Variants in CLTC observed in about 807,000 individuals in gnomAD.
The protein encoded by CLTC is clathrin heavy chain.
A neutral mutation model predicts 195.8 loss-of-function variants in CLTC; 16 were observed. That is an observed-to-expected ratio of 0.08 (90% CI 0.06 to 0.12). The LOEUF is 0.12. Among genes scored for constraint, CLTC ranks in the 10% least tolerant of loss-of-function variants. The probability of loss-of-function intolerance (pLI) is 1.00; values close to 1 mark genes in which losing one functional copy is unlikely to be tolerated. For synonymous variants in CLTC, 667 were observed against 689.4 expected (o/e 0.97, Z 0.51); for missense variants, 796 against 2,027.0 (o/e 0.39, Z 11.66).
At chr17:59,678,697 G>A (rs931905996) in intron 17 of CLTC, among the ~76,000 whole-genome samples, 4 of 152,058 alleles carry the variant, frequency 2.6e-5, no homozygotes, top group Non-Finnish European at 4.4e-5. Context: ...ACCTTTTACT[G>A]GGGCATTAGA....
In CLTC at chr17:59,648,572, T is replaced by C; in HGVS notation, c.681+171T>C. On this transcript the variant is annotated intron_variant, in intron 4 of 31. Transcript: ENST00000269122. This position sits in a 1 kb window ranked among gnomAD's most constrained non-coding sequence, Gnocchi z 4.5. ...TGCATCTAGTGATACTTGTCTAAAA[T>C]GAATAATGTTCTTTCACAACTCGTT... The C allele has an allele frequency of 1.7e-6, 1 of 596,464 alleles. No homozygotes were observed. Among genetic ancestry groups the C allele is most frequent in the Non-Finnish European group, 2.9e-6 (1 of 342,266 alleles). 36.9% of individuals were successfully genotyped at this position (596,464 alleles called of 1,614,324 possible).
In CLTC at chr17:59,644,276, C is replaced by T; in HGVS notation, c.43C>T (p.Leu15Phe). The T allele has an allele frequency of 6.2e-7, 1 of 1,612,730 alleles. No individual in the cohort carries two copies. Among genetic ancestry groups the T allele is most frequent in the Non-Finnish European group, 8.5e-7 (1 of 1,179,466 alleles). ...CATGGTTTCTTATTATTTTTTCTAG[C>T]TCCAGAACCTGGGTATCAACCCAGC... ...LPIRFQEHLQ[L>F]QNLGINPANI... Residue 15 changes from leucine to phenylalanine, a missense_variant and splice_region_variant, in exon 2 of 32, where the codon CTC becomes TTC. Coordinates refer to ENST00000269122, the MANE Select transcript of CLTC (RefSeq NM_004859.4).
At chr17:59,684,328 A>T (rs2033134841) in intron 28 of CLTC, 2 of 207,010 alleles carry the variant, frequency 9.7e-6, no homozygotes, top group Admixed American at 1.1e-4. Flanking sequence ...TTTCTTGCCT[A>T]CTGTTTTATT....
At position 59,683,771 on chromosome 17, in the gene CLTC, T is replaced by A. The variant is rs755624171; in HGVS notation, c.4323+15T>A. 1.2e-6 allele frequency: 2 copies of A among 1,614,100 alleles called. No individual in the cohort carries two copies. Among genetic ancestry groups the A allele is most frequent in the Middle Eastern group, 1.7e-4 (1 of 6,058 alleles). The stretch of plus-strand genomic sequence containing the variant: ...ATTTCAGCAAGGTAAAGTAATAATT[T>A]TAAACCAAAGCTTCATAGCAAGGAA... On this transcript the variant is annotated intron_variant, in intron 27 of 31. Coordinates refer to ENST00000269122, the MANE Select transcript of CLTC (RefSeq NM_004859.4). The surrounding 1 kb of genome is among the most constrained non-coding windows in gnomAD (Gnocchi z 6.1).
chr17:59,687,735 A>G (rs2033214755), intron 30 of CLTC, among the ~76,000 whole-genome samples: 1 of 152,168 alleles, frequency 6.6e-6, no homozygotes, highest in African/African-American at 2.4e-5. Flanking sequence ...CAAAGTATTA[A>G]CTTCTACTTT....
Position 59,648,685 on chromosome 17 carries a change from A to G in CLTC, c.681+284A>G. Reference sequence around the variant, plus strand: ...GTTTGATTTAGTAGGTGTTGCCTATAATTTTTTTTGTTTATTTGTTGCTTT... The same window carrying G: ...GTTTGATTTAGTAGGTGTTGCCTATGATTTTTTTTGTTTATTTGTTGCTTT... On this transcript the variant is annotated intron_variant, in intron 4 of 31. Transcript: ENST00000269122. This position sits in a 1 kb window ranked among gnomAD's most constrained non-coding sequence, Gnocchi z 4.5. The G allele has an allele frequency of 3.9e-6, 1 of 257,876 alleles. No individual in the cohort carries two copies. The highest frequency in any genetic ancestry group is 7.4e-6 in the Non-Finnish European group (1 of 134,580). The allele number at this position is 257,876 out of a possible 1,614,324, so 16.0% of individuals were successfully genotyped here. A position where few individuals can be genotyped will look rare whatever the true frequency, so the allele number is the denominator to read the frequency against.
chr17:59,676,264 G>A (rs551014609), intron 16 of CLTC, among the ~76,000 whole-genome samples: 1 of 152,280 alleles, frequency 6.6e-6, no homozygotes, highest in Non-Finnish European at 1.5e-5. Context: ...GCAAAACTGT[G>A]CTCCTTGATG....
chr17:59,629,518 A>T (rs957411201), intron 1 of CLTC, among the ~76,000 whole-genome samples: 3 of 126,056 alleles, frequency 2.4e-5, no homozygotes, highest in South Asian at 2.6e-4. Flanking sequence ...AGAGATCATA[A>T]TTTTTTTTTT....
At position 59,679,486 on chromosome 17, in the gene CLTC, A is replaced by C; in HGVS notation, c.2886A>C (p.Glu962Asp). The C allele has an allele frequency of 6.2e-7, 1 of 1,610,610 alleles. No homozygotes were observed. Among genetic ancestry groups the C allele is most frequent in the Non-Finnish European group, 8.5e-7 (1 of 1,178,200 alleles). ...DPELWGSVLL[E>D]SNPYRRPLID... ...AATTGTGGGGCAGCGTGCTGCTGGA[A>C]AGCAATCCTTACAGGAGACCCCTAA... is the stretch of plus-strand genomic sequence containing the variant. The change falls in exon 18 of 32, where the codon GAA becomes GAC. Residue 962 changes from glutamate to aspartate, a missense_variant. By Grantham distance (45) the Glu-to-Asp change is conservative. This residue lies in a region of CLTC where 160 missense variants were observed against 448.2 expected (regional missense o/e 0.36). Coordinates refer to ENST00000269122, the MANE Select transcript of CLTC (RefSeq NM_004859.4).
chr17:59,631,222 C>T (rs2031705196), intron 1 of CLTC, among the ~76,000 whole-genome samples: 1 of 152,170 alleles, frequency 6.6e-6, no homozygotes, highest in African/African-American at 2.4e-5. Flanking sequence ...TCTTCTGAGA[C>T]ACTGCATATA....
At chr17:59,641,884 CATT>C (rs1416384182) in intron 1 of CLTC, among the ~76,000 whole-genome samples, 2 of 151,766 alleles carry the variant, frequency 1.3e-5, no homozygotes, top group East Asian at 1.9e-4. Flanking sequence ...GATGGGGTCT[CATT>C]ATGTTGCCCA....
Position 59,620,102 on chromosome 17 carries a change from CAGG to C in CLTC, c.-24_-22del, listed in dbSNP as rs755591058. 17 of 1,613,534 alleles carry C rather than the reference CAGG, an allele frequency of 1.1e-5. No individual in the cohort carries two copies. In the South Asian group the frequency reaches 1.3e-4, roughly 13 times the overall value. On this transcript the variant is annotated 5_prime_UTR_variant, in exon 1 of 32. Transcript: ENST00000269122. ...AGCCACTGCCCCGCAGCCCCAGTGA[CAGG>C]AGGAGACCATAACCCCCGACAGCGC...
At chr17:59,640,272 AAG>A (rs1219305364) in intron 1 of CLTC, among the ~76,000 whole-genome samples, 1 of 152,150 alleles carries the variant, frequency 6.6e-6, no homozygotes, top group African/African-American at 2.4e-5. Flanking sequence ...AAAATATGGG[AAG>A]AATTGCTGAG....
chr17:59,623,053 G>T (rs957139834), intron 1 of CLTC, among the ~76,000 whole-genome samples: 2 of 152,164 alleles, frequency 1.3e-5, no homozygotes, highest in African/African-American at 4.8e-5. Flanking sequence ...AATATTGCCT[G>T]TGATTCTTAA....
intron 8 of CLTC, 95 bp from the exon 9 acceptor site, chr17:59,663,747 T>C (rs2032662828): frequency 2.0e-6 from 2 of 1,011,324 alleles, no homozygotes; most frequent in Non-Finnish European, 2.9e-6. Context: ...TAAGTACCTT[T>C]CATACTAGTT....
chr17:59,636,631 G>C (rs1228354984), intron 1 of CLTC, among the ~76,000 whole-genome samples: 1 of 152,040 alleles, frequency 6.6e-6, no homozygotes, highest in Non-Finnish European at 1.5e-5. Flanking sequence ...GGGATTACAG[G>C]TGTGAACCAC....
At chr17:59,678,508 CACT>C (rs1395488836) in intron 17 of CLTC, among the ~76,000 whole-genome samples, 1 of 152,204 alleles carries the variant, frequency 6.6e-6, no homozygotes, top group Non-Finnish European at 1.5e-5. Context: ...GGCTACAATT[CACT>C]ACTATTTATT....
chr17:59,659,588 G>A (rs1017701157), intron 6 of CLTC, among the ~76,000 whole-genome samples: 12 of 151,528 alleles, frequency 7.9e-5, no homozygotes, highest in African/African-American at 2.9e-4. Context: ...GTGACTACAG[G>A]CGCGTGCCAC....
chr17:59,662,027 C>T lies in CLTC; in HGVS notation c.1368+384C>T, dbSNP rs1270066867. On this transcript the variant is annotated intron_variant, in intron 8 of 31. Coordinates refer to ENST00000269122, the MANE Select transcript of CLTC (RefSeq NM_004859.4). Reference sequence around the variant, plus strand: ...CTGAGGCAGGAGAATCACTTGAACCCGGGAGGTAGAGGTTGCAGTGAGTTG... The same window carrying T: ...CTGAGGCAGGAGAATCACTTGAACCTGGGAGGTAGAGGTTGCAGTGAGTTG... Among the ~76,000 whole-genome samples, 9 of 151,608 alleles carry T rather than the reference C, an allele frequency of 5.9e-5. No homozygotes were observed. The South Asian group carries it at 8.3e-4, about 14-fold the overall frequency.
Sources: gnomAD v4.1 joint callset for allele counts (sites outside exome capture counted in the v4.1 genomes callset) on GRCh38, gnomAD v4.1.1 for gene constraint, gnomAD v4.1.1 regional missense constraint, Gnocchi (gnomAD v3.1) non-coding constraint, MANE v1.5 for transcripts, NCBI Gene and HGNC (gene_info 2026-07-23, HGNC 2026-07-21) for gene names.